ZKSCAN8: variants seen among roughly 807,000 people sequenced by gnomAD.
ZKSCAN8 encodes the protein zinc finger with KRAB and SCAN domains 8.
ZKSCAN8 carries 27 observed loss-of-function variants against 57.2 expected under a neutral mutation model. The ratio of observed to expected loss-of-function variants is 0.47; its 90% CI spans 0.35 to 0.65. The LOEUF is 0.65. ZKSCAN8 is among the 30% of genes least tolerant of loss of function. The pLI, the probability that ZKSCAN8 is intolerant of heterozygous loss-of-function variation, is 0.01. For missense variants in ZKSCAN8, 597 were observed against 696.3 expected, an observed-to-expected ratio of 0.86 and a Z score of 1.60; for synonymous variants, 214 against 248.7, an observed-to-expected ratio of 0.86 and a Z score of 1.31.
At chr6:28,146,371 A>G (rs1171048901) in intron 1 of ZKSCAN8, among the ~76,000 whole-genome samples, 1 of 152,230 alleles carries the variant, frequency 6.6e-6, no homozygotes, top group African/African-American at 2.4e-5. Flanking sequence ...ATGAGAGGAA[A>G]ATAATTTCCA....
chr6:28,154,869 A>G lies in ZKSCAN8; in HGVS notation c.*852A>G, dbSNP rs1442768768. 1 of 152,614 alleles carries G rather than the reference A, an allele frequency of 6.6e-6. No individual in the cohort carries two copies. The highest frequency in any genetic ancestry group is 2.4e-5 in the African/African-American group (1 of 41,438). The allele number at this position is 152,614 out of a possible 1,614,324, so 9.5% of individuals were successfully genotyped here. A position where few individuals can be genotyped will look rare whatever the true frequency, so the allele number is the denominator to read the frequency against. ...CTTCTGACTCTCCTTCCACCTCCCC[A>G]CTGTACACTGTGGTACAGATAGTTG... On this transcript the variant is annotated 3_prime_UTR_variant, in exon 6 of 6. Coordinates refer to ENST00000330236, the MANE Select transcript of ZKSCAN8 (RefSeq NM_006298.4).
chr6:28,156,225 T>G lies in ZKSCAN8; in HGVS notation c.*2208T>G, dbSNP rs751226452. On this transcript the variant is annotated 3_prime_UTR_variant, in exon 6 of 6. Coordinates refer to ENST00000330236, the MANE Select transcript of ZKSCAN8 (RefSeq NM_006298.4). The stretch of plus-strand genomic sequence containing the variant: ...ACTTTAGAAGAACGCTTCTCTTCTA[T>G]TCCAATAAAAAGTCCTTTTAGCAAT... 59 of 398,310 alleles carry G rather than the reference T, an allele frequency of 1.5e-4. No individual in the cohort carries two copies. The highest frequency in any genetic ancestry group is 2.2e-4 in the Non-Finnish European group (50 of 225,930). The allele number at this position is 398,310 out of a possible 1,614,324, so 24.7% of individuals were successfully genotyped here.
Position 28,149,625 on chromosome 6 carries a change from G to A in ZKSCAN8, c.559+1G>A, listed in dbSNP as rs780235110. Reference sequence around the variant, plus strand: ...GTGCCCCAAGAGTCACAAGAGAGAGGTGAGTAGCCAGATTTCATTGATGAT... The same window carrying A: ...GTGCCCCAAGAGTCACAAGAGAGAGATGAGTAGCCAGATTTCATTGATGAT... On this transcript the variant is annotated splice_donor_variant, in intron 3 of 5. Coordinates refer to ENST00000330236, the MANE Select transcript of ZKSCAN8 (RefSeq NM_006298.4). LOFTEE classifies it high-confidence loss of function. The A allele has an allele frequency of 1.9e-6, 3 of 1,613,726 alleles. No homozygotes were observed. The highest frequency in any genetic ancestry group is 1.1e-5 in the South Asian group (1 of 90,996).
intron 1 of ZKSCAN8, among the ~76,000 whole-genome samples, chr6:28,143,319 A>C (rs933416689): frequency 1.3e-5 from 2 of 152,252 alleles, no homozygotes; most frequent in Non-Finnish European, 2.9e-5. Flanking sequence ...TAGCCACTAA[A>C]TAGAATAATC....
rs555474046 is a variant in ZKSCAN8 at position 28,156,164 on chromosome 6, CAT to C, written c.*2148_*2149del. ...GAGGGAAAATATATGTGTATGTACA[CAT>C]GTGTATGTACACACACACACACACC... is the stretch of plus-strand genomic sequence containing the variant. On this transcript the variant is annotated 3_prime_UTR_variant, in exon 6 of 6. Coordinates refer to ENST00000330236, the MANE Select transcript of ZKSCAN8 (RefSeq NM_006298.4). 8.4e-4 allele frequency: 336 copies of C among 398,286 alleles called. No individual in the cohort carries two copies. The highest frequency in any genetic ancestry group is 5.7e-3 in the East Asian group (161 of 28,044). The allele number at this position is 398,286 out of a possible 1,614,324, so 24.7% of individuals were successfully genotyped here.
chr6:28,151,870 T>G lies in ZKSCAN8; in HGVS notation c.585T>G (p.Thr195=), dbSNP rs1354522123. The G allele has an allele frequency of 5.6e-6, 9 of 1,614,174 alleles. No homozygotes were observed. Among genetic ancestry groups the G allele is most frequent in the Non-Finnish European group, 7.6e-6 (9 of 1,179,998 alleles). The part of the protein sequence containing the change: ...ERAMSTSQSP[T]RSQKGSSGDQ... ...CCATGTCTACTTCCCAGAGTCCTAC[T>G]CGTTCCCAGAAAGGAAGTTCTGGAG... The change falls in exon 4 of 6, where the codon ACT becomes ACG. Residue 195 remains threonine (T), a synonymous_variant. Coordinates refer to ENST00000330236, the MANE Select transcript of ZKSCAN8 (RefSeq NM_006298.4).
rs1361987791 is a variant in ZKSCAN8, at chr6:28,156,399, T to G, written c.*2382T>G. ...TAGCCAGATTACTTAAATCTCAGAA[T>G]TACTAAGCATGTGGCATAAATTTGG... is the stretch of plus-strand genomic sequence containing the variant. On this transcript the variant is annotated 3_prime_UTR_variant, in exon 6 of 6. Transcript: ENST00000330236. The G allele has an allele frequency of 2.5e-6, 1 of 393,980 alleles. No homozygotes were observed. The highest frequency in any genetic ancestry group is 4.5e-6 in the Non-Finnish European group (1 of 223,506). The allele number at this position is 393,980 out of a possible 1,614,324, so 24.4% of individuals were successfully genotyped here.
Position 28,153,300 on chromosome 6 carries a change from C to G in ZKSCAN8, c.1020C>G (p.His340Gln). The change falls in exon 6 of 6, where the codon CAC becomes CAG. Residue 340 changes from histidine (H) to glutamine (Q), a missense_variant. Coordinates refer to ENST00000330236, the MANE Select transcript of ZKSCAN8 (RefSeq NM_006298.4). The part of the protein sequence containing the change: ...SFAQSSGLVR[H>Q]WRIHTGEKPY... ...CTCAGAGCTCAGGCCTTGTTCGCCA[C>G]TGGAGAATCCACACTGGGGAGAAAC... The G allele has an allele frequency of 6.2e-7, 1 of 1,614,256 alleles. No individual in the cohort carries two copies. The highest frequency in any genetic ancestry group is 8.5e-7 in the Non-Finnish European group (1 of 1,180,052).
At position 28,152,311 on chromosome 6, in the gene ZKSCAN8, G is replaced by T. The variant is rs756363905; in HGVS notation, c.702G>T (p.Trp234Cys). ...DMAVSLIREEWLLDPSQKDLC... is the reference protein window; with the variant it reads ...DMAVSLIREECLLDPSQKDLC... ...CTGTGTCCCTTATTCGAGAGGAGTGGCTTCTTGATCCATCACAGAAGGATC... is the reference window on the plus strand; with the variant it reads ...CTGTGTCCCTTATTCGAGAGGAGTGTCTTCTTGATCCATCACAGAAGGATC... The change falls in exon 5 of 6, where the codon TGG becomes TGT. Residue 234 changes from tryptophan to cysteine, a missense_variant. Trp to Cys is a radical substitution (Grantham distance 215). Coordinates refer to ENST00000330236, the MANE Select transcript of ZKSCAN8 (RefSeq NM_006298.4). 1.4e-5 allele frequency: 22 copies of T among 1,613,270 alleles called. No individual in the cohort carries two copies. Among genetic ancestry groups the T allele is most frequent in the Non-Finnish European group, 1.8e-5 (21 of 1,179,784 alleles).
chr6:28,152,243 G>T lies in ZKSCAN8; in HGVS notation c.652-18G>T, dbSNP rs1765614634. ...GGAACAGTCCCAGTCCCCAAATGGGGATCTTGTTTTGTTTCAGACTTTGGA... is the reference window on the plus strand; with the variant it reads ...GGAACAGTCCCAGTCCCCAAATGGGTATCTTGTTTTGTTTCAGACTTTGGA... On this transcript the variant is annotated intron_variant, in intron 4 of 5. Transcript: ENST00000330236. The T allele has an allele frequency of 3.1e-6, 5 of 1,595,878 alleles. 1 individual carries two copies. The East Asian group carries it at 6.7e-5, about 21-fold the overall frequency.
chr6:28,147,122 C>T (rs781320234), intron 1 of ZKSCAN8, among the ~76,000 whole-genome samples: 27 of 150,850 alleles, frequency 1.8e-4, no homozygotes, highest in Non-Finnish European at 2.7e-4. Flanking sequence ...TTGCAAATTA[C>T]ATATCTCATA....
chr6:28,153,482 C>T lies in ZKSCAN8; in HGVS notation c.1202C>T (p.Thr401Ile), dbSNP rs746448853. 6.2e-7 allele frequency: 1 copy of T among 1,612,296 alleles called. No individual in the cohort carries two copies. Among genetic ancestry groups the T allele is most frequent in the Non-Finnish European group, 8.5e-7 (1 of 1,178,552 alleles). ...CTGATTCTGCACCAGAGAATCCACA[C>T]TGGGGAGAAGCCATATCAGTGCAAT... ...TGLILHQRIHTGEKPYQCNQC... is the reference protein window; with the variant it reads ...TGLILHQRIHIGEKPYQCNQC... The change falls in exon 6 of 6, where the codon ACT (threonine) becomes ATT (isoleucine). Residue 401 changes from threonine to isoleucine, a missense_variant. Thr to Ile is a moderately conservative substitution (Grantham distance 89). Coordinates refer to ENST00000330236, the MANE Select transcript of ZKSCAN8 (RefSeq NM_006298.4).
chr6:28,149,333 C>A, intron 2 of ZKSCAN8, 150 bp from the exon 3 acceptor site: 1 of 1,026,994 alleles, frequency 9.7e-7, no homozygotes, highest in Non-Finnish European at 1.4e-6. Flanking sequence ...ATTACGTATT[C>A]GTGTTCCTTA....
rs758217483 is a variant in ZKSCAN8, at chr6:28,159,437, G to A, written c.*5420G>A. 1.1e-4 allele frequency: 16 copies of A among 152,188 alleles called. No homozygotes were observed. The highest frequency in any genetic ancestry group is 2.4e-4 in the African/African-American group (10 of 41,446). 9.4% of individuals were successfully genotyped at this position (152,188 alleles called of 1,614,324 possible). A position where few individuals can be genotyped will look rare whatever the true frequency, so the allele number is the denominator to read the frequency against. ...GTATAGTGCTGAGCACATAGTAGGC[G>A]TTTAATAAATGCTTGTTGAAGTATT... On this transcript the variant is annotated 3_prime_UTR_variant, in exon 6 of 6. Coordinates refer to ENST00000330236, the MANE Select transcript of ZKSCAN8 (RefSeq NM_006298.4).
At chr6:28,152,085 G>T in intron 4 of ZKSCAN8, 149 bp downstream of exon 4, 1 of 1,370,796 alleles carries the variant, frequency 7.3e-7, no homozygotes, top group Non-Finnish European at 9.9e-7. Context: ...GATTGATCCT[G>T]AATTTCCCCC....
rs1765719510 is a variant in ZKSCAN8 at position 28,154,479 on chromosome 6, G to C, written c.*462G>C. ...TGCTGTAGAGTCAGAAGTAGCTTCT[G>C]TGTGAAACTTATATTTGTATGTAGC... On this transcript the variant is annotated 3_prime_UTR_variant, in exon 6 of 6. Coordinates refer to ENST00000330236, the MANE Select transcript of ZKSCAN8 (RefSeq NM_006298.4). 6.5e-6 allele frequency: 1 copy of C among 154,794 alleles called. No individual in the cohort carries two copies. Among genetic ancestry groups the C allele is most frequent in the African/African-American group, 2.4e-5 (1 of 41,482 alleles). 9.6% of individuals were successfully genotyped at this position (154,794 alleles called of 1,614,324 possible).
At position 28,144,069 on chromosome 6, in the gene ZKSCAN8, A is replaced by G. The variant is rs1177552886; in HGVS notation, c.-93+2040A>G. The stretch of plus-strand genomic sequence containing the variant: ...AATGTTAATTGATATATTTAACCAT[A>G]TCTTTTGCTCCTTGGTTCTTCTGAT... On this transcript the variant is annotated intron_variant, in intron 1 of 5. Coordinates refer to ENST00000330236, the MANE Select transcript of ZKSCAN8 (RefSeq NM_006298.4). The surrounding 1 kb of genome is among the most constrained non-coding windows in gnomAD (Gnocchi z 4.5). Among the ~76,000 whole-genome samples, 5 of 152,226 alleles carry G rather than the reference A, an allele frequency of 3.3e-5. No homozygotes were observed. The East Asian group carries it at 5.8e-4, about 18-fold the overall frequency.
chr6:28,154,940 G>T lies in ZKSCAN8; in HGVS notation c.*923G>T, dbSNP rs1561825029. The stretch of plus-strand genomic sequence containing the variant: ...TCAGGTAGGAGAAGGAGACGAAGAT[G>T]CTTTAGGAAGATAAAAACCTTACAA... On this transcript the variant is annotated 3_prime_UTR_variant, in exon 6 of 6. Transcript: ENST00000330236. The T allele has an allele frequency of 6.6e-6, 1 of 152,620 alleles. No individual in the cohort carries two copies. The highest frequency in any genetic ancestry group is 1.5e-5 in the Non-Finnish European group (1 of 68,054). 9.5% of individuals were successfully genotyped at this position (152,620 alleles called of 1,614,324 possible). A position where few individuals can be genotyped will look rare whatever the true frequency, so the allele number is the denominator to read the frequency against.
At chr6:28,146,283 TC>T (rs1191467331) in intron 1 of ZKSCAN8, among the ~76,000 whole-genome samples, 1 of 152,216 alleles carries the variant, frequency 6.6e-6, no homozygotes, top group Non-Finnish European at 1.5e-5. Flanking sequence ...AAGTCAGAAT[TC>T]CTTTGGAACT....
Sources: allele counts gnomAD v4.1 joint callset (sites outside exome capture counted in the v4.1 genomes callset), GRCh38; gene constraint gnomAD v4.1.1; non-coding constraint Gnocchi (gnomAD v3.1); transcripts MANE v1.5; gene names NCBI Gene and HGNC (gene_info 2026-07-23, HGNC 2026-07-21).